The following AFAP1 variants were observed in gnomAD, a reference collection of about 807,000 sequenced individuals.
AFAP1 encodes actin filament associated protein 1.
A neutral mutation model predicts 93.9 loss-of-function variants in AFAP1; 75 were observed. The ratio of observed to expected loss-of-function variants is 0.80; its 90% confidence interval spans 0.66 to 0.97. AFAP1 has a LOEUF of 0.97. Among genes scored for constraint, AFAP1 ranks in the 50% least tolerant of loss-of-function variants. The probability of loss-of-function intolerance (pLI) is 0.00; values close to 1 mark genes in which losing one functional copy is unlikely to be tolerated. For missense variants in AFAP1, 1,201 were observed against 1,050.8 expected (o/e 1.14, Z -1.98); for synonymous variants, 517 against 430.7 (o/e 1.20, Z -2.48).
chr4:7,934,927 A>C (rs1474132318), intron 1 of AFAP1, among the ~76,000 whole-genome samples: 1 of 152,204 alleles, frequency 6.6e-6, no homozygotes, highest in Non-Finnish European at 1.5e-5. Flanking sequence ...GAGATTGTTA[A>C]AGACTAAATC....
In AFAP1 at chr4:7,760,144, A is replaced by T. The variant is rs1440874985; in HGVS notation, c.*3621T>A. On this transcript the variant is annotated 3_prime_UTR_variant, in exon 18 of 18. Transcript: ENST00000420658. ...GCACCAAACTGTGGCCATAATGACA[A>T]TGAACCTCAAACTCCTTCCTGGGGG... is the stretch of plus-strand genomic sequence containing the variant. 1 of 152,224 alleles carries T rather than the reference A, an allele frequency of 6.6e-6. No individual in the cohort carries two copies. Among genetic ancestry groups the T allele is most frequent in the East Asian group, 1.9e-4 (1 of 5,192 alleles). 9.4% of individuals were successfully genotyped at this position (152,224 alleles called of 1,614,324 possible).
intron 6 of AFAP1, among the ~76,000 whole-genome samples, chr4:7,822,008 G>C (rs1195924189): frequency 2.0e-5 from 3 of 152,190 alleles, no homozygotes; most frequent in Non-Finnish European, 4.4e-5. Flanking sequence ...AGTGATCTGT[G>C]TGTCTGATCT....
rs750449564 is a variant in AFAP1, at chr4:7,762,057, C to G, written c.*1708G>C. 1 of 152,246 alleles carries G rather than the reference C, an allele frequency of 6.6e-6. No individual in the cohort carries two copies. The highest frequency in any genetic ancestry group is 2.4e-5 in the African/African-American group (1 of 41,456). 9.4% of individuals were successfully genotyped at this position (152,246 alleles called of 1,614,324 possible). On this transcript the variant is annotated 3_prime_UTR_variant, in exon 18 of 18. Transcript: ENST00000420658. ...CCAGCAGATGGCTTTGCAATCAATT[C>G]AAGTTCAGGTGGACTCAAGCAGCTT...
intron 2 of AFAP1, among the ~76,000 whole-genome samples, chr4:7,868,968 G>GAAAAGAA (rs375924103): frequency 1.4e-4 from 17 of 117,698 alleles, no homozygotes; most frequent in Middle Eastern, 4.5e-3. Context: ...AAAGAAAAGA[G>GAAAAGAA]AAAAGAAAAA....
At chr4:7,861,243 G>A (rs1171670337) in intron 3 of AFAP1, among the ~76,000 whole-genome samples, 4 of 152,124 alleles carry the variant, frequency 2.6e-5, no homozygotes, top group Non-Finnish European at 4.4e-5. Context: ...ACATATTGGC[G>A]AAACCCTTTT....
chr4:7,864,629 C>T (rs1234237632), intron 3 of AFAP1, among the ~76,000 whole-genome samples: 1 of 152,166 alleles, frequency 6.6e-6, no homozygotes, highest in Admixed American at 6.5e-5. Flanking sequence ...GCAACAGGCT[C>T]CTCCCTGGGG....
intron 1 of AFAP1, among the ~76,000 whole-genome samples, chr4:7,921,884 G>A (rs1457489549): frequency 6.6e-6 from 1 of 152,160 alleles, no homozygotes; most frequent in Non-Finnish European, 1.5e-5. Flanking sequence ...CCAGCACTTT[G>A]GGAGGCTGAG....
In AFAP1 at chr4:7,868,814, C is replaced by G. The variant is rs547272617; in HGVS notation, c.128-95G>C. 3.8e-6 allele frequency: 4 copies of G among 1,055,150 alleles called. No homozygotes were observed. In the South Asian group the frequency reaches 5.6e-5, roughly 15 times the overall value. The allele number at this position is 1,055,150 out of a possible 1,614,324, so 65.4% of individuals were successfully genotyped here. A position where few individuals can be genotyped will look rare whatever the true frequency, so the allele number is the denominator to read the frequency against. On this transcript the variant is annotated intron_variant, in intron 2 of 17. Transcript: ENST00000420658. ...CAGTTCCTGAACCCTGTGTTGAACA[C>G]TTTGCAAATATTTATTTTCTCTAAT...
chr4:7,850,855 A>C (rs1480200418), intron 4 of AFAP1, among the ~76,000 whole-genome samples: 1 of 152,188 alleles, frequency 6.6e-6, no homozygotes, highest in Non-Finnish European at 1.5e-5. Flanking sequence ...TTGCAGTTTG[A>C]CCTCATGGAT....
chr4:7,887,687 C>T (rs916614775), intron 1 of AFAP1, among the ~76,000 whole-genome samples: 30 of 152,272 alleles, frequency 2.0e-4, no homozygotes, highest in African/African-American at 6.5e-4. Context: ...TATTCACGTA[C>T]GCATATACTC....
At chr4:7,885,797 G>A (rs990277233) in intron 1 of AFAP1, among the ~76,000 whole-genome samples, 5 of 152,094 alleles carry the variant, frequency 3.3e-5, no homozygotes, top group African/African-American at 4.8e-5. Context: ...ACAAAAATTC[G>A]TGGTGAAAGA....
At chr4:7,849,493 C>T (rs868257647) in intron 4 of AFAP1, among the ~76,000 whole-genome samples, 6 of 152,330 alleles carry the variant, frequency 3.9e-5, no homozygotes, top group Middle Eastern at 3.4e-3. Flanking sequence ...AAAGCCTTGG[C>T]CCTCTTTGTT....
chr4:7,913,724 TA>T (rs1422683250), intron 1 of AFAP1, among the ~76,000 whole-genome samples: 2 of 152,242 alleles, frequency 1.3e-5, no homozygotes, highest in East Asian at 3.8e-4. Flanking sequence ...AAAGCAAGCC[TA>T]AAGTTTTACT....
In AFAP1 at chr4:7,845,884, G is replaced by A. The variant is rs5855990; in HGVS notation, c.335-2534C>T. Among the ~76,000 whole-genome samples, 5 of 83,528 alleles carry A rather than the reference G, an allele frequency of 6.0e-5. No individual in the cohort carries two copies. The Admixed American group carries it at 6.0e-4, about 10-fold the overall frequency. The allele number at this position is 83,528 out of a possible 152,430, so 54.8% of individuals were successfully genotyped here. A position where few individuals can be genotyped will look rare whatever the true frequency, so the allele number is the denominator to read the frequency against. On this transcript the variant is annotated intron_variant, in intron 4 of 17. Transcript: ENST00000420658. ...AAGCTCTGCTGGACGGCACAGGGGT[G>A]GGGGGGGCAAGATCTTTACAATCTA...
chr4:7,912,951 A>G (rs925201997), intron 1 of AFAP1, among the ~76,000 whole-genome samples: 2 of 152,110 alleles, frequency 1.3e-5, no homozygotes, highest in African/African-American at 4.8e-5. Flanking sequence ...GGCTCAAGTT[A>G]TCCTCCTGCC....
intron 4 of AFAP1, 121 bp from the exon 5 acceptor site, chr4:7,843,471 G>A: frequency 1.1e-6 from 1 of 926,790 alleles, no homozygotes. Flanking sequence ...AGGGACCTCT[G>A]CTCCTTAAGG....
chr4:7,919,174 C>A (rs2149234911), intron 1 of AFAP1, among the ~76,000 whole-genome samples: 1 of 152,324 alleles, frequency 6.6e-6, no homozygotes, highest in African/African-American at 2.4e-5. Context: ...GGGAATCTGA[C>A]TGAGCAGTGG....
intron 1 of AFAP1, among the ~76,000 whole-genome samples, chr4:7,885,943 T>C (rs1301386499): frequency 6.6e-6 from 1 of 152,204 alleles, no homozygotes; most frequent in Non-Finnish European, 1.5e-5. Flanking sequence ...TGTTCGAGCA[T>C]GGTCCTTGCA....
At chr4:7,776,228 G>A (rs886310235) in intron 14 of AFAP1, 1 of 152,062 alleles carries the variant, frequency 6.6e-6, no homozygotes, top group African/African-American at 2.4e-5. Context: ...AAGCCACAGG[G>A]GTGGCATAAT....
Sources: gnomAD v4.1 joint callset for allele counts (sites outside exome capture counted in the v4.1 genomes callset) on GRCh38, gnomAD v4.1.1 for gene constraint, MANE v1.5 for transcripts, NCBI Gene and HGNC (gene_info 2026-07-23, HGNC 2026-07-21) for gene names.